The following NPAS3 variants were observed in gnomAD, a reference collection of about 807,000 sequenced individuals.
NPAS3 encodes neuronal PAS domain protein 3, also known as neuronal PAS domain-containing protein 3.
In NPAS3, 14 loss-of-function variants were observed where a neutral mutation model predicts 73.1. The ratio of observed to expected loss-of-function variants is 0.19; its 90% CI spans 0.13 to 0.30. NPAS3 has a LOEUF of 0.30. Among genes scored for constraint, NPAS3 ranks in the 10% least tolerant of loss-of-function variants. NPAS3 has a pLI of 1.00. For synonymous variants in NPAS3, 620 were observed against 541.5 expected, an observed-to-expected ratio of 1.14 and a Z score of -2.01; for missense variants, 1,096 against 1,250.0, an observed-to-expected ratio of 0.88 and a Z score of 1.86.
intron 4 of NPAS3, among the ~76,000 whole-genome samples, chr14:33,385,578 A>T (rs375837109): frequency 3.9e-5 from 6 of 152,198 alleles, no homozygotes; most frequent in African/African-American, 1.2e-4. Flanking sequence ...TAAGGTAATT[A>T]TGTATCTCAC....
At chr14:33,179,396 TAG>T (rs2045713648) in intron 2 of NPAS3, among the ~76,000 whole-genome samples, 1 of 152,200 alleles carries the variant, frequency 6.6e-6, no homozygotes, top group Non-Finnish European at 1.5e-5. Context: ...TCTATAATGT[TAG>T]AGATACTTAA....
At chr14:33,764,026 T>G (rs903045418) in intron 7 of NPAS3, among the ~76,000 whole-genome samples, 39 of 152,206 alleles carry the variant, frequency 2.6e-4, no homozygotes, top group African/African-American at 9.2e-4. Context: ...CCCATCTACA[T>G]GGACAATTGT....
At chr14:33,231,483 CA>C (rs1476575806) in intron 3 of NPAS3, among the ~76,000 whole-genome samples, 2 of 152,018 alleles carry the variant, frequency 1.3e-5, no homozygotes, top group African/African-American at 2.4e-5. Context: ...TTGCTTGAGC[CA>C]GGTATGACTT....
intron 5 of NPAS3, among the ~76,000 whole-genome samples, chr14:33,646,114 G>A (rs972608352): frequency 3.3e-5 from 5 of 152,128 alleles, no homozygotes; most frequent in Non-Finnish European, 5.9e-5. Flanking sequence ...AAAACGAGGG[G>A]TCTGCTGAGG....
chr14:33,620,783 A>C (rs1406174409), intron 5 of NPAS3, among the ~76,000 whole-genome samples: 1 of 152,128 alleles, frequency 6.6e-6, no homozygotes, highest in Admixed American at 6.6e-5. Context: ...TTATTGATTT[A>C]CTCTATTTCA....
intron 7 of NPAS3, among the ~76,000 whole-genome samples, chr14:33,760,537 C>A (rs1194206618): frequency 6.6e-6 from 1 of 152,118 alleles, no homozygotes; most frequent in African/African-American, 2.4e-5. Flanking sequence ...AAGACTAGGA[C>A]ACCCACCCCT....
intron 4 of NPAS3, among the ~76,000 whole-genome samples, chr14:33,523,451 CAAAAAAA>C (rs755370427): frequency 8.6e-5 from 4 of 46,722 alleles, no homozygotes; most frequent in Non-Finnish European, 1.8e-4. Flanking sequence ...GACTCTGTCT[CAAAAAAA>C]AAAAAAAAAA....
At chr14:33,021,888 T>G (rs1285036889) in intron 1 of NPAS3, among the ~76,000 whole-genome samples, 2 of 152,190 alleles carry the variant, frequency 1.3e-5, no homozygotes, top group African/African-American at 4.8e-5. Flanking sequence ...GAACACGTAT[T>G]TTATACATGT....
intron 6 of NPAS3, among the ~76,000 whole-genome samples, chr14:33,734,511 T>A (rs1044444392): frequency 6.6e-6 from 1 of 152,206 alleles, no homozygotes; most frequent in African/African-American, 2.4e-5. Context: ...TATTTCCTCA[T>A]ATCAGAAGCA....
intron 3 of NPAS3, among the ~76,000 whole-genome samples, chr14:33,298,010 G>A (rs1450154871): frequency 2.0e-5 from 3 of 152,290 alleles, no homozygotes; most frequent in East Asian, 3.9e-4. Flanking sequence ...GGCCAGGTGC[G>A]GTGGCGCACA....
chr14:33,760,715 A>AC (rs1211388238), intron 7 of NPAS3, among the ~76,000 whole-genome samples: 1 of 152,048 alleles, frequency 6.6e-6, no homozygotes, highest in African/African-American at 2.4e-5. Flanking sequence ...GTTAAAAAAA[A>AC]AAAAATCAAG....
At chr14:33,108,446 C>G (rs906318626) in intron 2 of NPAS3, among the ~76,000 whole-genome samples, 7 of 152,036 alleles carry the variant, frequency 4.6e-5, no homozygotes, top group African/African-American at 1.7e-4. Flanking sequence ...TCTACCTCGG[C>G]CTCCCAAAGT....
At chr14:32,965,006 G>A (rs886064515) in intron 1 of NPAS3, among the ~76,000 whole-genome samples, 3 of 151,978 alleles carry the variant, frequency 2.0e-5, no homozygotes, top group African/African-American at 7.2e-5. Flanking sequence ...GCAAAACAAA[G>A]TATTGAACTA....
chr14:33,747,129 A>G (rs1345903233), intron 7 of NPAS3, among the ~76,000 whole-genome samples: 1 of 152,002 alleles, frequency 6.6e-6, no homozygotes, highest in East Asian at 1.9e-4. Flanking sequence ...CTATAAAGAC[A>G]CATGCACACG....
chr14:33,613,484 G>C (rs1211859164), intron 5 of NPAS3, among the ~76,000 whole-genome samples: 3 of 152,026 alleles, frequency 2.0e-5, no homozygotes, highest in Admixed American at 2.0e-4. Flanking sequence ...TCTCACACTG[G>C]ACAATTTGCA....
chr14:33,162,384 T>C (rs1326506251), intron 2 of NPAS3, among the ~76,000 whole-genome samples: 1 of 152,186 alleles, frequency 6.6e-6, no homozygotes, highest in East Asian at 1.9e-4. Flanking sequence ...GTAAATACTT[T>C]AATATGCGTT....
At chr14:33,678,107 G>T (rs2059820194) in intron 6 of NPAS3, among the ~76,000 whole-genome samples, 1 of 152,150 alleles carries the variant, frequency 6.6e-6, no homozygotes, top group Non-Finnish European at 1.5e-5. Context: ...AGTTTGAAAG[G>T]ATCTTCATGA....
chr14:33,463,158 A>T (rs2050352303), intron 4 of NPAS3, among the ~76,000 whole-genome samples: 1 of 152,198 alleles, frequency 6.6e-6, no homozygotes, highest in African/African-American at 2.4e-5. Flanking sequence ...AATGGGAATC[A>T]GTTTCTATTA....
intron 3 of NPAS3, among the ~76,000 whole-genome samples, chr14:33,276,891 A>G (rs1340862519): frequency 2.0e-5 from 3 of 152,080 alleles, no homozygotes; most frequent in Non-Finnish European, 4.4e-5. Flanking sequence ...TGATTGGTAG[A>G]TTGTAAAATT....
Sources: allele counts gnomAD v4.1 joint callset (sites outside exome capture counted in the v4.1 genomes callset), GRCh38; gene constraint gnomAD v4.1.1; transcripts MANE v1.5; gene names NCBI Gene and HGNC (gene_info 2026-07-23, HGNC 2026-07-21).